ANKMY1: variants seen among roughly 807,000 people sequenced by gnomAD.
The protein encoded by ANKMY1 is ankyrin repeat and MYND domain containing 1, also known as ankyrin repeat and MYND domain-containing protein 1.
ANKMY1 carries 98 observed loss-of-function variants against 102.0 expected under a neutral mutation model. The ratio of observed to expected loss-of-function variants is 0.96; its 90% confidence interval spans 0.82 to 1.14. The LOEUF (loss-of-function observed/expected upper bound fraction) is 1.14, where lower values mean the gene tolerates loss of function less well. ANKMY1 is among the 50% of genes most tolerant of loss of function. ANKMY1 has a pLI of 0.00. For missense variants in ANKMY1, 1,330 were observed against 1,347.6 expected (o/e 0.99, Z 0.20); for synonymous variants, 582 against 559.9 (o/e 1.04, Z -0.56).
intron 4 of ANKMY1, among the ~76,000 whole-genome samples, chr2:240,530,205 G>T (rs1299264938): frequency 6.6e-6 from 1 of 152,192 alleles, no homozygotes; most frequent in Non-Finnish European, 1.5e-5. Flanking sequence ...AGGTGCCCAG[G>T]GGAGGGAGCA....
chr2:240,520,349 C>T lies in ANKMY1; in HGVS notation c.2004+13G>A. 1 of 1,525,822 alleles carries T rather than the reference C, an allele frequency of 6.6e-7. No individual in the cohort carries two copies. The highest frequency in any genetic ancestry group is 8.8e-7 in the Non-Finnish European group (1 of 1,132,156). The allele number at this position is 1,525,822 out of a possible 1,614,324, so 94.5% of individuals were successfully genotyped here. On this transcript the variant is annotated intron_variant, in intron 9 of 17. Transcript: ENST00000401804. This position sits in a 1 kb window ranked among gnomAD's most constrained non-coding sequence, Gnocchi z 4.8. ...CTGCGCTCGTCCCGGCGCCCGCCCG[C>T]CGCGGCTCCTACCTGCGGCGGAAAG...
chr2:240,471,112 G>A, the ANKMY1 span, among the ~76,000 whole-genome samples: 1 of 150,154 alleles, frequency 6.7e-6, no homozygotes, highest in African/African-American at 2.4e-5. Flanking sequence ...ATCTGGGCAG[G>A]AAAAAAAAAA....
Position 240,500,541 on chromosome 2 carries a change from C to A in ANKMY1, c.2551G>T (p.Ala851Ser), listed in dbSNP as rs773950583. 1.9e-6 allele frequency: 3 copies of A among 1,614,008 alleles called. No individual in the cohort carries two copies. The African/African-American group carries it at 4.0e-5, about 22-fold the overall frequency. Residue 851 changes from alanine to serine, a missense_variant, in exon 14 of 18, where the codon GCC becomes TCC. By Grantham distance (99) the Ala-to-Ser change is moderately conservative. Coordinates refer to ENST00000401804, the MANE Select transcript of ANKMY1 (RefSeq NM_001282771.3). ...ALIDRLISHG[A>S]DILKPVMLRQ... is the part of the protein sequence containing the mutation. ...AGCATTACAGGCTTCAGGATGTCGG[C>A]CCCGTGACTGATGAGTCGGTCAATC...
At chr2:240,515,282 A>G (rs369457807) in intron 9 of ANKMY1, among the ~76,000 whole-genome samples, 115 of 152,296 alleles carry the variant, frequency 7.6e-4, no homozygotes, top group Non-Finnish European at 7.6e-4. Flanking sequence ...CACACCTGTA[A>G]TCCCAGCACT....
intron 15 of ANKMY1, among the ~76,000 whole-genome samples, chr2:240,491,691 C>G (rs555928714): frequency 2.0e-5 from 3 of 152,226 alleles, no homozygotes; most frequent in African/African-American, 7.2e-5. Context: ...ATATAGTATT[C>G]TTGGGTGGCA....
intron 4 of ANKMY1, among the ~76,000 whole-genome samples, chr2:240,538,289 G>A (rs944506544): frequency 6.6e-6 from 1 of 152,118 alleles, no homozygotes; most frequent in African/African-American, 2.4e-5. Context: ...AGGGAGAGGC[G>A]CAGGCGGGAA....
In ANKMY1 at chr2:240,529,568, C is replaced by G; in HGVS notation, c.481-59G>C. 6.9e-7 allele frequency: 1 copy of G among 1,450,450 alleles called. No homozygotes were observed. Among genetic ancestry groups the G allele is most frequent in the Non-Finnish European group, 9.3e-7 (1 of 1,080,808 alleles). The allele number at this position is 1,450,450 out of a possible 1,614,324, so 89.8% of individuals were successfully genotyped here. On this transcript the variant is annotated intron_variant, in intron 4 of 17. Coordinates refer to ENST00000401804, the MANE Select transcript of ANKMY1 (RefSeq NM_001282771.3). This position sits in a 1 kb window ranked among gnomAD's most constrained non-coding sequence, Gnocchi z 4.2. The stretch of plus-strand genomic sequence containing the variant: ...AACGCGACCCAGCTGCACATGTGAT[C>G]ATGTTTGTAACGTCAAAAGAAATCC...
At chr2:240,478,876 C>T (rs2075041599), downstream of ANKMY1, among the ~76,000 whole-genome samples, 1 of 152,172 alleles carries the variant, frequency 6.6e-6, no homozygotes, top group Non-Finnish European at 1.5e-5. Flanking sequence ...AAACCCCCAT[C>T]GTCCTCATCC....
chr2:240,483,634 A>C (rs1051695353), intron 15 of ANKMY1, among the ~76,000 whole-genome samples: 1 of 152,086 alleles, frequency 6.6e-6, no homozygotes, highest in African/African-American at 2.4e-5. Flanking sequence ...TATGTCTCAG[A>C]ATTTTCCTCT....
rs1293796910 is a variant in ANKMY1, at chr2:240,486,140, A to G, written c.2807-3879T>C. ...TTATAGCTTTGGTTATATCAAAATC[A>G]TTTACCATTTCTGGATCTCCATTTC... is the stretch of plus-strand genomic sequence containing the variant. On this transcript the variant is annotated intron_variant, in intron 15 of 17. Transcript: ENST00000401804. Among the ~76,000 whole-genome samples the G allele has an allele frequency of 3.3e-5, 5 of 152,148 alleles. 1 individual carries two copies. The East Asian group carries it at 7.7e-4, about 23-fold the overall frequency.
intron 15 of ANKMY1, among the ~76,000 whole-genome samples, chr2:240,487,665 G>T (rs772570449): frequency 1.3e-5 from 2 of 151,114 alleles, no homozygotes; most frequent in East Asian, 3.9e-4. Flanking sequence ...TAGCCATTCT[G>T]ACTGATTTGC....
Position 240,529,298 on chromosome 2 carries a change from C to T in ANKMY1, c.692G>A (p.Trp231Ter). 8 of 1,614,168 alleles carry T rather than the reference C, an allele frequency of 5.0e-6. No individual in the cohort carries two copies. Among genetic ancestry groups the T allele is most frequent in the Non-Finnish European group, 5.9e-6 (7 of 1,180,038 alleles). The part of the protein sequence containing the change: ...ISLSEEEKTE[W>*]GLQEGQDPFF... ...GGGATCCTGTCCCTCCTGCAGTCCCCACTCCGTTTTCTCCTCTTCTGAGAG... is the reference window on the plus strand; with the variant it reads ...GGGATCCTGTCCCTCCTGCAGTCCCTACTCCGTTTTCTCCTCTTCTGAGAG... The change falls in exon 5 of 18, where the codon TGG (tryptophan) becomes TAG (stop). Residue 231 changes from tryptophan (W) to a stop codon, truncating the protein, a stop_gained. Coordinates refer to ENST00000401804, the MANE Select transcript of ANKMY1 (RefSeq NM_001282771.3). LOFTEE classifies it high-confidence loss of function. This position sits in a 1 kb window ranked among gnomAD's most constrained non-coding sequence, Gnocchi z 4.2.
intron 4 of ANKMY1, among the ~76,000 whole-genome samples, chr2:240,535,774 G>T (rs541651790): frequency 1.3e-5 from 2 of 152,132 alleles, no homozygotes; most frequent in East Asian, 3.9e-4. Context: ...TCAGAGTTTA[G>T]TCCTCAGCTG....
chr2:240,561,048 C>A, upstream of ANKMY1: 1 of 1,509,110 alleles, frequency 6.6e-7, no homozygotes, highest in Non-Finnish European at 8.8e-7. Context: ...CATGCGGCAC[C>A]GCGGCCTCAG....
chr2:240,526,695 A>G (rs1652357584), intron 5 of ANKMY1: 1 of 1,404,334 alleles, frequency 7.1e-7, no homozygotes, highest in Non-Finnish European at 9.3e-7. Flanking sequence ...TCCCGACAGG[A>G]ATGTGCTGGC....
At position 240,481,730 on chromosome 2, in the gene ANKMY1, C is replaced by G. The variant is rs2075413243; in HGVS notation, c.2885+453G>C. 2.6e-5 allele frequency among the ~76,000 whole-genome samples: 4 copies of G among 152,142 alleles called. No homozygotes were observed. The South Asian group carries it at 8.3e-4, about 32-fold the overall frequency. On this transcript the variant is annotated intron_variant, in intron 16 of 17. Transcript: ENST00000401804. ...GCAGAGTGAGTGCAGGGTTGAGACT[C>G]CAAGGAGAGGCCAGTGGTGGAGGGA...
intron 4 of ANKMY1, among the ~76,000 whole-genome samples, chr2:240,549,188 C>T (rs1292944755): frequency 7.3e-6 from 1 of 137,874 alleles, no homozygotes; most frequent in Non-Finnish European, 1.6e-5. Flanking sequence ...TGGAACAGAA[C>T]AGAGCCCTCA....
intron 4 of ANKMY1, among the ~76,000 whole-genome samples, chr2:240,531,774 G>A (rs946207336): frequency 3.9e-5 from 6 of 152,172 alleles, no homozygotes; most frequent in Non-Finnish European, 8.8e-5. Flanking sequence ...AATTCTGGGG[G>A]ATGATAGAAA....
At chr2:240,474,248 A>G in the ANKMY1 span, among the ~76,000 whole-genome samples, 1 of 130,322 alleles carries the variant, frequency 7.7e-6, no homozygotes, top group African/African-American at 2.9e-5. Context: ...GGCGCCCACC[A>G]CCATGCCTGG....
Sources: gnomAD v4.1 joint callset for allele counts (sites outside exome capture counted in the v4.1 genomes callset) on GRCh38, gnomAD v4.1.1 for gene constraint, Gnocchi (gnomAD v3.1) non-coding constraint, MANE v1.5 for transcripts, NCBI Gene and HGNC (gene_info 2026-07-23, HGNC 2026-07-21) for gene names.